PDCL3: variants seen among roughly 807,000 people sequenced by gnomAD.
PDCL3 encodes the protein phosducin-like protein 3.
PDCL3 carries 22 observed loss-of-function variants against 26.5 expected under a neutral mutation model. The observed-to-expected ratio is 0.83, with a 90% CI of 0.59 to 1.19. The LOEUF is 1.19. PDCL3 is among the 50% of genes most tolerant of loss of function. PDCL3 has a pLI of 0.00. For missense variants in PDCL3, 246 were observed against 294.1 expected (o/e 0.84, Z 1.20); for synonymous variants, 81 against 104.9 (o/e 0.77, Z 1.39).
chr2:100,575,833 A>G (rs1243664159), intron 5 of PDCL3, among the ~76,000 whole-genome samples: 1 of 152,084 alleles, frequency 6.6e-6, no homozygotes, highest in Non-Finnish European at 1.5e-5. Flanking sequence ...TGTGGAAATT[A>G]TTTCCTTCAA....
intron 1 of PDCL3, among the ~76,000 whole-genome samples, chr2:100,565,519 C>T (rs1675045290): frequency 6.6e-6 from 1 of 151,978 alleles, no homozygotes; most frequent in South Asian, 2.1e-4. Context: ...TGTGATCCAC[C>T]CACCTCTGCC....
intron 5 of PDCL3, among the ~76,000 whole-genome samples, chr2:100,575,355 T>C (rs9653464): frequency 0.021 from 3,227 of 152,278 alleles, 116 homozygotes; most frequent in African/African-American, 0.072. Context: ...CAGGATGGTC[T>C]CGATCTCCAG....
chr2:100,563,657 TTA>T (rs1168151290), intron 1 of PDCL3: 1 of 150,934 alleles, frequency 6.6e-6, no homozygotes, highest in Non-Finnish European at 1.5e-5. Context: ...GTAAAATAAA[TTA>T]TTTTTCTGTA....
intron 4 of PDCL3, among the ~76,000 whole-genome samples, chr2:100,570,340 A>G (rs1675142356): frequency 6.6e-6 from 1 of 152,118 alleles, no homozygotes; most frequent in Non-Finnish European, 1.5e-5. Flanking sequence ...TATGTAATGA[A>G]TTTATCTCAT....
chr2:100,575,295 C>T (rs1353667134), intron 5 of PDCL3, among the ~76,000 whole-genome samples: 1 of 152,126 alleles, frequency 6.6e-6, no homozygotes, highest in African/African-American at 2.4e-5. Context: ...GCCACCATGC[C>T]TGGCTAATTT....
Position 100,576,526 on chromosome 2 carries a change from T to C in PDCL3, c.*30T>C. 3 of 1,515,478 alleles carry C rather than the reference T, an allele frequency of 2.0e-6. No homozygotes were observed. The highest frequency in any genetic ancestry group is 2.1e-5 in the Admixed American group (1 of 48,388). 93.9% of individuals were successfully genotyped at this position (1,515,478 alleles called of 1,614,324 possible). A position where few individuals can be genotyped will look rare whatever the true frequency, so the allele number is the denominator to read the frequency against. On this transcript the variant is annotated 3_prime_UTR_variant, in exon 6 of 6. Transcript: ENST00000264254. ...ACAGCTTCTATCACATGCCGAACTTTCTTGTGACAAATTGTCTGGATTTTT... is the reference window on the plus strand; with the variant it reads ...ACAGCTTCTATCACATGCCGAACTTCCTTGTGACAAATTGTCTGGATTTTT...
At chr2:100,570,457 T>C (rs1438898143) in intron 4 of PDCL3, among the ~76,000 whole-genome samples, 1 of 150,198 alleles carries the variant, frequency 6.7e-6, no homozygotes. Context: ...TAGAGTCCAG[T>C]GCTTATTTAG....
At chr2:100,569,075 TG>T in intron 3 of PDCL3, 54 bp downstream of exon 3, 1 of 1,527,598 alleles carries the variant, frequency 6.5e-7, no homozygotes, top group South Asian at 1.2e-5. Context: ...TGTTTTGTTT[TG>T]GTTTTTTTTT....
Position 100,571,588 on chromosome 2 carries a change from A to G in PDCL3, c.369-2A>G, listed in dbSNP as rs758431306. On this transcript the variant is annotated splice_acceptor_variant, in intron 4 of 5. Coordinates refer to ENST00000264254, the MANE Select transcript of PDCL3 (RefSeq NM_024065.5). LOFTEE classifies it high-confidence loss of function. ...CTTCTGTTTTCTATGTGTGTTTTAT[A>G]GAATTCCCCTCTGTGCCCTGATAAA... 5 of 1,612,050 alleles carry G rather than the reference A, an allele frequency of 3.1e-6. No individual in the cohort carries two copies. The highest frequency in any genetic ancestry group is 1.7e-5 in the Admixed American group (1 of 59,958).
In PDCL3 at chr2:100,568,845, T is replaced by C; in HGVS notation, c.134-86T>C. 5 of 1,070,530 alleles carry C rather than the reference T, an allele frequency of 4.7e-6. No individual in the cohort carries two copies. In the South Asian group the frequency reaches 5.2e-5, roughly 11 times the overall value. 66.3% of individuals were successfully genotyped at this position (1,070,530 alleles called of 1,614,324 possible). The stretch of plus-strand genomic sequence containing the variant: ...GGATCTGGTGTTGTGTGCATATCTT[T>C]AGGAGAAAAGAGAGGGGAAAAAAGA... On this transcript the variant is annotated intron_variant, in intron 2 of 5. Transcript: ENST00000264254.
At chr2:100,569,969 G>C (rs575114435) in intron 4 of PDCL3, among the ~76,000 whole-genome samples, 15 of 152,226 alleles carry the variant, frequency 9.9e-5, no homozygotes, top group African/African-American at 3.1e-4. Flanking sequence ...AATTAGCTGG[G>C]CGTGGTCGCG....
At chr2:100,566,760 CA>C (rs776386442) in intron 2 of PDCL3, 131 bp downstream of exon 2, 134 of 1,317,960 alleles carry the variant, frequency 1.0e-4, no homozygotes, top group Non-Finnish European at 1.4e-4. Flanking sequence ...TCAGACAAAA[CA>C]CAGGGCGTCT....
intron 1 of PDCL3, among the ~76,000 whole-genome samples, chr2:100,564,725 T>C (rs1675026191): frequency 6.6e-6 from 1 of 152,228 alleles, no homozygotes; most frequent in Non-Finnish European, 1.5e-5. Context: ...TTAGCAGTGT[T>C]CTTGCCACAC....
chr2:100,568,830 T>A (rs766600964), intron 2 of PDCL3, 101 bp from the exon 3 acceptor site: 7 of 891,608 alleles, frequency 7.9e-6, no homozygotes, highest in Non-Finnish European at 1.3e-5. Flanking sequence ...GGATCTGGTG[T>A]TGTGTGCATA....
intron 4 of PDCL3, among the ~76,000 whole-genome samples, chr2:100,570,835 GT>G (rs1675154167): frequency 1.3e-5 from 2 of 152,100 alleles, no homozygotes; most frequent in South Asian, 4.1e-4. Flanking sequence ...AACCTTCAGC[GT>G]TTTCTCATTC....
chr2:100,572,023 A>C, intron 5 of PDCL3: 1 of 534,230 alleles, frequency 1.9e-6, no homozygotes, highest in African/African-American at 1.9e-5. Flanking sequence ...ATAGACTTAA[A>C]TATAAACATT....
At chr2:100,563,158 TG>T in intron 1 of PDCL3, 85 bp downstream of exon 1, 6 of 1,482,622 alleles carry the variant, frequency 4.0e-6, no homozygotes, top group Non-Finnish European at 5.4e-6. Flanking sequence ...ACGCCCGCCC[TG>T]GGGGAAGCTC....
intron 2 of PDCL3, among the ~76,000 whole-genome samples, chr2:100,567,853 C>T (rs539624687): frequency 2.7e-5 from 4 of 149,844 alleles, no homozygotes; most frequent in Non-Finnish European, 4.4e-5. Context: ...GATGGAGTCT[C>T]GCTCTCTTAC....
intron 5 of PDCL3, 37 bp from the exon 6 acceptor site, chr2:100,576,317 A>G: frequency 6.2e-7 from 1 of 1,608,148 alleles, no homozygotes; most frequent in Non-Finnish European, 8.5e-7. Context: ...TTTGCAGCAC[A>G]GTGCCTTAGG....
Sources: gnomAD v4.1 joint callset for allele counts (sites outside exome capture counted in the v4.1 genomes callset) on GRCh38, gnomAD v4.1.1 for gene constraint, MANE v1.5 for transcripts, NCBI Gene and HGNC (gene_info 2026-07-23, HGNC 2026-07-21) for gene names.